The following ZNF845 variants were observed in gnomAD, a reference collection of about 807,000 sequenced individuals.
ZNF845 encodes zinc finger protein 845.
Under a neutral mutation model 76.1 loss-of-function variants are expected in ZNF845, and 59 were observed. That is an observed-to-expected ratio of 0.78 (90% CI 0.63 to 0.96). The LOEUF is 0.96. Among genes scored for constraint, ZNF845 ranks in the 40% least tolerant of loss-of-function variants. ZNF845 has a pLI of 0.00. For synonymous variants in ZNF845, 361 were observed against 386.9 expected (o/e 0.93, Z 0.78); for missense variants, 1,045 against 1,172.8 (o/e 0.89, Z 1.59).
At position 53,342,075 on chromosome 19, in the gene ZNF845, A is replaced by G. The variant is rs114799633; in HGVS notation, c.15+753A>G. ...CATTTTTATCCTAGAGGATGGTGCC[A>G]TATTCTCATTCCACCTATTATTATT... On this transcript the variant is annotated intron_variant, in intron 2 of 3. Transcript: ENST00000458035. Among the ~76,000 whole-genome samples the G allele has an allele frequency of 3.6e-3, 549 of 151,640 alleles. 3 individuals carry two copies. Among genetic ancestry groups the G allele is most frequent in the African/African-American group, 0.013 (524 of 41,414 alleles).
chr19:53,340,189 T>C (rs2085246279), intron 1 of ZNF845, among the ~76,000 whole-genome samples: 1 of 152,220 alleles, frequency 6.6e-6, no homozygotes, highest in Admixed American at 6.5e-5. Flanking sequence ...GCAGTGGCGA[T>C]TACAGGCGTG....
rs1211789358 is a variant in ZNF845, at chr19:53,351,995, A to G, written c.1320A>G (p.Lys440=). 3.1e-6 allele frequency: 5 copies of G among 1,613,594 alleles called. No homozygotes were observed. The highest frequency in any genetic ancestry group is 3.4e-6 in the Non-Finnish European group (4 of 1,179,866). ...TTCATACTGGAGAGAAACCTTACAA[A>G]TGTGAAGAATGTGATGAAGCTTTCA... ...RRLHTGEKPY[K]CEECDEAFSF... is the part of the protein sequence containing the mutation. Residue 440 remains lysine (K), a synonymous_variant, in exon 4 of 4, where the codon AAA becomes AAG. Transcript: ENST00000458035.
chr19:53,335,300 G>GC (rs2085205478), intron 1 of ZNF845, among the ~76,000 whole-genome samples: 1 of 152,014 alleles, frequency 6.6e-6, no homozygotes, highest in South Asian at 2.1e-4. Context: ...TGGCTCTGTC[G>GC]CCCAGGCTGG....
At position 53,352,966 on chromosome 19, in the gene ZNF845, A is replaced by G; in HGVS notation, c.2291A>G (p.Lys764Arg). Residue 764 changes from lysine (K) to arginine (R), a missense_variant, in exon 4 of 4, where the codon AAA (lysine) becomes AGA (arginine). By Grantham distance (26) the Lys-to-Arg change is conservative. Transcript: ENST00000458035. The stretch of plus-strand genomic sequence containing the variant: ...TTCAGTCGCAAATCAAGCCTTGAAA[A>G]ACACAGGAGAATTCATACTGGAGAG... Reference protein sequence around the residue: ...KVFSRKSSLEKHRRIHTGEKP... With the variant: ...KVFSRKSSLERHRRIHTGEKP... 1.2e-6 allele frequency: 2 copies of G among 1,613,680 alleles called. No individual in the cohort carries two copies.
At chr19:53,337,353 A>G (rs1272931250) in intron 1 of ZNF845, among the ~76,000 whole-genome samples, 2 of 151,672 alleles carry the variant, frequency 1.3e-5, no homozygotes, top group African/African-American at 4.8e-5. Context: ...TTATCTCTGC[A>G]TCAGTCACAT....
intron 1 of ZNF845, chr19:53,337,109 C>G (rs995077883): frequency 2.2e-6 from 1 of 456,860 alleles, no homozygotes; most frequent in Admixed American, 2.3e-5. Context: ...GGGAGCTTGC[C>G]CTCATCGCAT....
At position 53,351,112 on chromosome 19, in the gene ZNF845, C is replaced by G. The variant is rs61743337; in HGVS notation, c.437C>G (p.Ser146Trp). The stretch of plus-strand genomic sequence containing the variant: ...GATCAGCTTGGATCAAGCTTTCATT[C>G]GCATCTGCCTGAACTCCACATGTTT... ...IKDQLGSSFH[S>W]HLPELHMFQT... Residue 146 changes from serine to tryptophan, a missense_variant, in exon 4 of 4, where the codon TCG becomes TGG. By Grantham distance (177) the Ser-to-Trp change is radical. Transcript: ENST00000458035. 4.3e-6 allele frequency: 7 copies of G among 1,614,146 alleles called. No homozygotes were observed. In the South Asian group the frequency reaches 7.7e-5, roughly 18 times the overall value.
chr19:53,356,543 A>G lies in ZNF845; in HGVS notation c.*2955A>G, dbSNP rs1258333362. 1.3e-5 allele frequency: 2 copies of G among 151,820 alleles called. No homozygotes were observed. The highest frequency in any genetic ancestry group is 3.9e-4 in the East Asian group (2 of 5,150). 9.4% of individuals were successfully genotyped at this position (151,820 alleles called of 1,614,324 possible). A position where few individuals can be genotyped will look rare whatever the true frequency, so the allele number is the denominator to read the frequency against. ...ACAGAGCTAGACCCTGTCTCAAACA[A>G]GCAAATAAATGAGAGGCATAATTCC... On this transcript the variant is annotated 3_prime_UTR_variant, in exon 4 of 4. Coordinates refer to ENST00000458035, the MANE Select transcript of ZNF845 (RefSeq NM_138374.3).
In ZNF845 at chr19:53,354,734, A is replaced by G. The variant is rs2085372386; in HGVS notation, c.*1146A>G. 1 of 152,188 alleles carries G rather than the reference A, an allele frequency of 6.6e-6. No individual in the cohort carries two copies. The highest frequency in any genetic ancestry group is 2.4e-5 in the African/African-American group (1 of 41,428). The allele number at this position is 152,188 out of a possible 1,614,324, so 9.4% of individuals were successfully genotyped here. A position where few individuals can be genotyped will look rare whatever the true frequency, so the allele number is the denominator to read the frequency against. The stretch of plus-strand genomic sequence containing the variant: ...AAGTATTAAGTTTCATAGCAAATTG[A>G]AGTGTGTTCATAAGTTTCTTTAAAC... On this transcript the variant is annotated 3_prime_UTR_variant, in exon 4 of 4. Transcript: ENST00000458035.
At chr19:53,338,449 A>G (rs1167295479) in intron 1 of ZNF845, among the ~76,000 whole-genome samples, 1 of 152,120 alleles carries the variant, frequency 6.6e-6, no homozygotes, top group Non-Finnish European at 1.5e-5. Flanking sequence ...CTCAGCGTCA[A>G]GGGTCCTGGA....
At chr19:53,346,285 C>G (rs1193132184) in intron 3 of ZNF845, 2 of 339,702 alleles carry the variant, frequency 5.9e-6, no homozygotes, top group Non-Finnish European at 1.2e-5. Flanking sequence ...CATGCTTTGA[C>G]TCCCTTCTTA....
chr19:53,346,377 T>A (rs532841780), intron 3 of ZNF845: 1 of 282,222 alleles, frequency 3.5e-6, no homozygotes, highest in East Asian at 1.5e-4. Context: ...GCAGCCGGCT[T>A]CGCTCTCGTG....
rs766211578 is a variant in ZNF845 at position 53,341,339 on chromosome 19, G to T, written c.15+17G>T. ...CTTTCTCAGGTGAGATGATATGTTG[G>T]GTGGATTGTTCTGTCTCCTTCCTCT... On this transcript the variant is annotated intron_variant, in intron 2 of 3. Transcript: ENST00000458035. 6.2e-7 allele frequency: 1 copy of T among 1,613,848 alleles called. No homozygotes were observed. Among genetic ancestry groups the T allele is most frequent in the African/African-American group, 1.3e-5 (1 of 75,008 alleles).
intron 1 of ZNF845, among the ~76,000 whole-genome samples, chr19:53,340,252 A>G (rs1308887477): frequency 5.9e-5 from 9 of 152,172 alleles, no homozygotes; most frequent in Non-Finnish European, 1.2e-4. Flanking sequence ...GGGTTTCACC[A>G]TGTTGGCCAG....
chr19:53,345,067 C>T (rs568055325), intron 2 of ZNF845, among the ~76,000 whole-genome samples: 2 of 152,266 alleles, frequency 1.3e-5, no homozygotes, highest in African/African-American at 4.8e-5. Context: ...CCTGTAATCT[C>T]AGCACTTTGC....
rs2085342717 is a variant in ZNF845 at position 53,352,061 on chromosome 19, T to A, written c.1386T>A (p.Thr462=). The A allele has an allele frequency of 6.2e-7, 1 of 1,613,936 alleles. No homozygotes were observed. Among genetic ancestry groups the A allele is most frequent in the Non-Finnish European group, 8.5e-7 (1 of 1,179,962 alleles). The change falls in exon 4 of 4, where the codon ACT becomes ACA. Residue 462 remains threonine (T), a synonymous_variant. Coordinates refer to ENST00000458035, the MANE Select transcript of ZNF845 (RefSeq NM_138374.3). ...TTGAAAGACATAGGAGAATTCATAC[T>A]GGAGAGAAACCTTACAAGTGTAATG... ...SNLERHRRIH[T]GEKPYKCNDC...
In ZNF845 at chr19:53,354,400, G is replaced by A. The variant is rs2085369623; in HGVS notation, c.*812G>A. The A allele has an allele frequency of 3.5e-6, 1 of 288,536 alleles. No individual in the cohort carries two copies. Among genetic ancestry groups the A allele is most frequent in the South Asian group, 3.1e-5 (1 of 31,770 alleles). The allele number at this position is 288,536 out of a possible 1,614,324, so 17.9% of individuals were successfully genotyped here. On this transcript the variant is annotated 3_prime_UTR_variant, in exon 4 of 4. Transcript: ENST00000458035. ...TGTTAAGAAGATTGGGCCAGGCGGG[G>A]TGGCTCACGCCTGTAATCCCAGCAC...
intron 1 of ZNF845, among the ~76,000 whole-genome samples, chr19:53,334,078 TTTTAAAGTC>T (rs1455910399): frequency 6.6e-6 from 1 of 152,200 alleles, no homozygotes; most frequent in East Asian, 1.9e-4. Flanking sequence ...GACCCGCACT[TTTTAAAGTC>T]CTTACCGCGA....
chr19:53,356,158 TG>T lies in ZNF845; in HGVS notation c.*2571del, dbSNP rs2085384561. The T allele has an allele frequency of 6.6e-6, 1 of 152,222 alleles. No individual in the cohort carries two copies. The highest frequency in any genetic ancestry group is 1.5e-5 in the Non-Finnish European group (1 of 68,044). 9.4% of individuals were successfully genotyped at this position (152,222 alleles called of 1,614,324 possible). ...TATAACGTCTGAACAGGCTCTAGTT[TG>T]AGGCACTCAGAAGGATAAGACATCA... On this transcript the variant is annotated 3_prime_UTR_variant, in exon 4 of 4. Transcript: ENST00000458035.
Sources: gnomAD v4.1 joint callset for allele counts (sites outside exome capture counted in the v4.1 genomes callset) on GRCh38, gnomAD v4.1.1 for gene constraint, MANE v1.5 for transcripts, NCBI Gene and HGNC (gene_info 2026-07-23, HGNC 2026-07-21) for gene names.